NFATC1: variants seen among roughly 807,000 people sequenced by gnomAD.
The protein encoded by NFATC1 is nuclear factor of activated T-cells, cytoplasmic 1.
NFATC1 carries 22 observed loss-of-function variants against 76.0 expected under a neutral mutation model. The observed-to-expected ratio is 0.29, with a 90% CI of 0.21 to 0.41. NFATC1 has a LOEUF of 0.41. Among genes scored for constraint, NFATC1 ranks in the 10% least tolerant of loss-of-function variants. NFATC1 has a pLI of 1.00. For missense variants in NFATC1, 1,357 were observed against 1,337.7 expected (o/e 1.01, Z -0.23); for synonymous variants, 704 against 613.1 (o/e 1.15, Z -2.19).
chr18:79,408,063 T>C (rs887836051), intron 1 of NFATC1, among the ~76,000 whole-genome samples: 2 of 152,238 alleles, frequency 1.3e-5, no homozygotes, highest in African/African-American at 4.8e-5. Flanking sequence ...CTCCTGGGAT[T>C]GAGGCCACGG....
chr18:79,397,888 C>A (rs115468573), intron 1 of NFATC1, among the ~76,000 whole-genome samples: 2,366 of 152,280 alleles, frequency 0.016, 55 homozygotes, highest in African/African-American at 0.054. Flanking sequence ...CAAGGCAGTG[C>A]GCCGGGCAGC....
chr18:79,513,131 C>G (rs1033912114), intron 9 of NFATC1, among the ~76,000 whole-genome samples: 9 of 152,250 alleles, frequency 5.9e-5, no homozygotes, highest in African/African-American at 1.9e-4. Flanking sequence ...TTTAATTCCT[C>G]TCTCGATACC....
At chr18:79,422,267 T>C (rs189260680) in intron 2 of NFATC1, 38 of 152,362 alleles carry the variant, frequency 2.5e-4, no homozygotes, top group African/African-American at 8.2e-4. Flanking sequence ...ATTTCTGGTT[T>C]TGGTTTTTGT....
chr18:79,518,791 A>G (rs1326521137), intron 9 of NFATC1, among the ~76,000 whole-genome samples: 1 of 152,194 alleles, frequency 6.6e-6, no homozygotes, highest in Non-Finnish European at 1.5e-5. Context: ...GAGGGGTGTT[A>G]GGACCCCTGG....
chr18:79,425,903 A>C (rs762052332), intron 2 of NFATC1, among the ~76,000 whole-genome samples: 37 of 152,326 alleles, frequency 2.4e-4, no homozygotes, highest in Non-Finnish European at 5.0e-4. Flanking sequence ...ACTTTTAAAC[A>C]CAGATAAACC....
intron 8 of NFATC1, among the ~76,000 whole-genome samples, chr18:79,476,198 C>T (rs921637361): frequency 2.0e-5 from 3 of 152,222 alleles, no homozygotes; most frequent in African/African-American, 4.8e-5. Flanking sequence ...AGCTTGGCGA[C>T]GCCAGCCGCG....
chr18:79,474,299 C>T (rs1275215869), intron 8 of NFATC1, among the ~76,000 whole-genome samples: 3 of 133,876 alleles, frequency 2.2e-5, no homozygotes, highest in Admixed American at 7.5e-5. Context: ...CGCTCACTGT[C>T]GACATTGTAA....
intron 7 of NFATC1, among the ~76,000 whole-genome samples, chr18:79,466,476 G>T (rs761106357): frequency 1.3e-5 from 2 of 152,158 alleles, no homozygotes; most frequent in Non-Finnish European, 2.9e-5. Flanking sequence ...CTGAGCACGC[G>T]GTTGGGGTCT....
intron 9 of NFATC1, among the ~76,000 whole-genome samples, chr18:79,510,984 G>A (rs530467335): frequency 2.0e-5 from 3 of 152,300 alleles, no homozygotes; most frequent in African/African-American, 4.8e-5. Context: ...TGGAAGTGTC[G>A]TGTTCCCAGC....
chr18:79,449,255 C>T (rs751106834), intron 4 of NFATC1, among the ~76,000 whole-genome samples: 5 of 152,196 alleles, frequency 3.3e-5, no homozygotes, highest in Non-Finnish European at 7.3e-5. Flanking sequence ...TAAACAGGAC[C>T]CCTATTTCTT....
intron 5 of NFATC1, 141 bp from the exon 6 acceptor site, chr18:79,451,535 C>T (rs2087472816): frequency 1.2e-6 from 1 of 835,330 alleles, no homozygotes; most frequent in South Asian, 2.5e-5. Flanking sequence ...GAAGTAGTGG[C>T]ATCCGCAGGG....
rs145547762 is a variant in NFATC1, at chr18:79,410,437, C to T, written c.162C>T (p.Pro54=). 3.0e-5 allele frequency: 49 copies of T among 1,611,812 alleles called. No individual in the cohort carries two copies. In the African/African-American group the frequency reaches 3.6e-4, roughly 12 times the overall value. Residue 54 remains proline (P), a synonymous_variant, in exon 2 of 10, where the codon CCC becomes CCT. Coordinates refer to ENST00000427363, the MANE Select transcript of NFATC1 (RefSeq NM_001278669.2). The surrounding 1 kb of genome is among the most constrained non-coding windows in gnomAD (Gnocchi z 6.7). Reference sequence around the variant, plus strand: ...GCTATGCATCCTCCAACGTCAGCCCCGCCCTGCCGCTCCCCACGGCGCACT... The same window carrying T: ...GCTATGCATCCTCCAACGTCAGCCCTGCCCTGCCGCTCCCCACGGCGCACT... The part of the protein sequence containing the change: ...HYGYASSNVS[P]ALPLPTAHST...
intron 2 of NFATC1, among the ~76,000 whole-genome samples, chr18:79,416,112 C>A (rs2148214346): frequency 6.6e-6 from 1 of 152,338 alleles, no homozygotes; most frequent in African/African-American, 2.4e-5. Flanking sequence ...TTTTGGGCTG[C>A]AATATTGAAG....
At position 79,410,134 on chromosome 18, in the gene NFATC1, G is replaced by T. The variant is rs767330848; in HGVS notation, c.128-269G>T. ...GACCCGGCCGCCTCTCCCTGGGAAG[G>T]ACGTTCGGGGGCTTGTGCTGCTGTT... On this transcript the variant is annotated intron_variant, in intron 1 of 9. Transcript: ENST00000427363. This position sits in a 1 kb window ranked among gnomAD's most constrained non-coding sequence, Gnocchi z 6.7. The T allele has an allele frequency of 2.7e-6, 2 of 753,710 alleles. No homozygotes were observed. The highest frequency in any genetic ancestry group is 1.4e-5 in the South Asian group (1 of 73,536). 46.7% of individuals were successfully genotyped at this position (753,710 alleles called of 1,614,324 possible).
In NFATC1 at chr18:79,396,125, G is replaced by A; in HGVS notation, c.-100G>A. The A allele has an allele frequency of 8.0e-7, 1 of 1,243,710 alleles. No homozygotes were observed. Among genetic ancestry groups the A allele is most frequent in the Non-Finnish European group, 1.0e-6 (1 of 980,656 alleles). The allele number at this position is 1,243,710 out of a possible 1,614,324, so 77.0% of individuals were successfully genotyped here. On this transcript the variant is annotated 5_prime_UTR_variant, in exon 1 of 10. Transcript: ENST00000427363. ...CCGGGGCGCGCGGCGCTGAGCCCGG[G>A]GCGAGGGCTGTCTTCCCGGAGACCC...
At chr18:79,473,805 C>G (rs373039356) in intron 8 of NFATC1, among the ~76,000 whole-genome samples, 2 of 148,218 alleles carry the variant, frequency 1.3e-5, no homozygotes, top group African/African-American at 2.5e-5. Flanking sequence ...CGTGTTCTCA[C>G]GCTCACTGTT....
At chr18:79,421,859 G>C (rs1241602971) in intron 2 of NFATC1, 3 of 152,304 alleles carry the variant, frequency 2.0e-5, no homozygotes, top group Non-Finnish European at 4.4e-5. Context: ...CTGGAAGCTT[G>C]GGCACGTCTT....
chr18:79,428,871 C>G (rs1307087178), intron 2 of NFATC1, among the ~76,000 whole-genome samples: 2 of 151,984 alleles, frequency 1.3e-5, no homozygotes, highest in African/African-American at 2.4e-5. Context: ...GACAAAGTAC[C>G]AAATTATGTG....
At position 79,396,304 on chromosome 18, in the gene NFATC1, T is replaced by A. The variant is rs931577659; in HGVS notation, c.80T>A (p.Leu27Ter). The change falls in exon 1 of 10, where the codon TTG becomes TAG. Residue 27 changes from leucine to a stop codon, truncating the protein, a stop_gained. Transcript: ENST00000427363. LOFTEE classifies it high-confidence loss of function. ...GCGGTCTTCGGGAGAGGAGAAACTT[T>A]GGGGCCCGCGCCGCGCGCCGGCGGC... is the stretch of plus-strand genomic sequence containing the variant. ...AAAVFGRGETLGPAPRAGGTM... is the reference protein window; with the variant it reads ...AAAVFGRGET The A allele has an allele frequency of 1.4e-6, 2 of 1,430,372 alleles. No homozygotes were observed. The highest frequency in any genetic ancestry group is 1.9e-6 in the Non-Finnish European group (2 of 1,077,968). 88.6% of individuals were successfully genotyped at this position (1,430,372 alleles called of 1,614,324 possible). A position where few individuals can be genotyped will look rare whatever the true frequency, so the allele number is the denominator to read the frequency against.
Sources: allele counts gnomAD v4.1 joint callset (sites outside exome capture counted in the v4.1 genomes callset), GRCh38; gene constraint gnomAD v4.1.1; non-coding constraint Gnocchi (gnomAD v3.1); transcripts MANE v1.5; gene names NCBI Gene and HGNC (gene_info 2026-07-23, HGNC 2026-07-21).